The following NECTIN1 variants were observed in gnomAD, a reference collection of about 807,000 sequenced individuals.
NECTIN1 encodes the protein nectin-1.
A neutral mutation model predicts 48.0 loss-of-function variants in NECTIN1; 23 were observed. The observed-to-expected ratio is 0.48, with a 90% CI of 0.34 to 0.68. The LOEUF (loss-of-function observed/expected upper bound fraction) is 0.68. NECTIN1 is among the 30% of genes least tolerant of loss of function. NECTIN1 has a pLI of 0.01. For missense variants in NECTIN1, 591 were observed against 709.9 expected (o/e 0.83, Z 1.90); for synonymous variants, 270 against 288.9 (o/e 0.93, Z 0.66).
chr11:119,719,331 T>C (rs1028834424), intron 1 of NECTIN1, among the ~76,000 whole-genome samples: 7 of 152,260 alleles, frequency 4.6e-5, no homozygotes, highest in African/African-American at 1.7e-4. Flanking sequence ...GACTCCAGGC[T>C]TAGGAAATGG....
At position 119,684,748 on chromosome 11, in the gene NECTIN1, C is replaced by T. The variant is rs1241019628; in HGVS notation, c.80-5983G>A. 5.9e-5 allele frequency among the ~76,000 whole-genome samples: 9 copies of T among 152,312 alleles called. No homozygotes were observed. The highest frequency in any genetic ancestry group is 3.9e-4 in the East Asian group (2 of 5,182). On this transcript the variant is annotated intron_variant, in intron 1 of 5. Transcript: ENST00000264025. The surrounding 1 kb of genome is among the most constrained non-coding windows in gnomAD (Gnocchi z 5.2). ...GGCCAGCTCCGCCTGGGAGAGAGGC[C>T]GGTGTGGAGGAGCGTGCAATCAGGA...
intron 4 of NECTIN1, 80 bp from the exon 5 acceptor site, chr11:119,675,390 C>T: frequency 6.6e-7 from 1 of 1,511,488 alleles, no homozygotes; most frequent in Non-Finnish European, 9.2e-7. Context: ...CACTTGGCTC[C>T]AGGCCCCCTA....
At chr11:119,668,583 C>G (rs1286962601) in intron 5 of NECTIN1, among the ~76,000 whole-genome samples, 1 of 152,198 alleles carries the variant, frequency 6.6e-6, no homozygotes, top group Non-Finnish European at 1.5e-5. Context: ...CCCTCCCCAC[C>G]GATTGCACTT....
Position 119,648,292 on chromosome 11 carries a change from G to GTGGTGATGGTGA in NECTIN1, c.1004-8281_1004-8280insTCACCATCACCA, listed in dbSNP as rs1565376480. 3.0e-3 allele frequency among the ~76,000 whole-genome samples: 57 copies of GTGGTGATGGTGA among 19,258 alleles called. 5 individuals are homozygous for GTGGTGATGGTGA. Among genetic ancestry groups the GTGGTGATGGTGA allele is most frequent in the African/African-American group, 0.015 (54 of 3,530 alleles). 12.6% of individuals were successfully genotyped at this position (19,258 alleles called of 152,430 possible). The stretch of plus-strand genomic sequence containing the variant: ...GGTGGTGGTGATGGTGGTGGTGATG[G>GTGGTGATGGTGA]TGGTGGTGGTGGTGATGGTGGTGAT... On this transcript the variant is annotated intron_variant, in intron 5 of 7. Coordinates refer to the NECTIN1 transcript ENST00000341398.
At chr11:119,658,475 G>A (rs1045995294), downstream of NECTIN1, among the ~76,000 whole-genome samples, 1 of 152,198 alleles carries the variant, frequency 6.6e-6, no homozygotes, top group African/African-American at 2.4e-5. Flanking sequence ...AGTGTCTAGA[G>A]GATGTGGGGG....
intron 5 of NECTIN1, among the ~76,000 whole-genome samples, chr11:119,653,237 TAAC>T (rs996394121): frequency 1.3e-5 from 2 of 152,056 alleles, no homozygotes; most frequent in African/African-American, 4.8e-5. Context: ...AAATGAAAAA[TAAC>T]AAAGTACCAA....
At chr11:119,639,838 T>C (rs1864298220) in intron 6 of NECTIN1, 1 of 1,613,872 alleles carries the variant, frequency 6.2e-7, no homozygotes, top group East Asian at 2.2e-5. Context: ...AGTGGGAGTT[T>C]AGTGGGCAGA....
chr11:119,638,745 G>A, exon 7 of NECTIN1: 1 of 1,613,872 alleles, frequency 6.2e-7, no homozygotes, highest in Non-Finnish European at 8.5e-7. Flanking sequence ...ATATCCTCAG[G>A]CACAAGGGAG....
Position 119,709,971 on chromosome 11 carries a change from A to C in NECTIN1, c.79+18504T>G, listed in dbSNP as rs1470070818. 2.0e-5 allele frequency: 3 copies of C among 152,178 alleles called. No homozygotes were observed. In the East Asian group the frequency reaches 5.8e-4, roughly 29 times the overall value. The allele number at this position is 152,178 out of a possible 1,614,324, so 9.4% of individuals were successfully genotyped here. ...AGTGTGATGTGACGAGGCCGCAGAG[A>C]GCTCAGCCCCCAGGATGGACGGGAA... On this transcript the variant is annotated intron_variant, in intron 1 of 5. Coordinates refer to ENST00000264025, the MANE Select transcript of NECTIN1 (RefSeq NM_002855.5). The surrounding 1 kb of genome is among the most constrained non-coding windows in gnomAD (Gnocchi z 4.1).
chr11:119,711,825 G>C (rs1865653042), intron 1 of NECTIN1, among the ~76,000 whole-genome samples: 1 of 152,254 alleles, frequency 6.6e-6, no homozygotes, highest in Non-Finnish European at 1.5e-5. Flanking sequence ...TGAAGGCCTA[G>C]ACCAGTGTTT....
At chr11:119,708,500 G>C (rs549002477) in intron 1 of NECTIN1, among the ~76,000 whole-genome samples, 1 of 151,716 alleles carries the variant, frequency 6.6e-6, no homozygotes, top group Admixed American at 6.6e-5. Context: ...GGAATGCTAA[G>C]TAGAAGATGT....
rs955460413 is a variant in NECTIN1, at chr11:119,661,132, T to C, written c.*3615A>G. The C allele has an allele frequency of 6.1e-6, 6 of 985,634 alleles. No homozygotes were observed. The African/African-American group carries it at 1.0e-4, about 17-fold the overall frequency. The allele number at this position is 985,634 out of a possible 1,614,324, so 61.1% of individuals were successfully genotyped here. On this transcript the variant is annotated 3_prime_UTR_variant, in exon 6 of 6. Coordinates refer to ENST00000264025, the MANE Select transcript of NECTIN1 (RefSeq NM_002855.5). ...AGAACCAGGAGGATCTGCTGGGCTG[T>C]CCCTGGACCAAAGGCGGAAAGGGCG... is the stretch of plus-strand genomic sequence containing the variant.
At chr11:119,652,720 A>G (rs1019609546) in intron 5 of NECTIN1, among the ~76,000 whole-genome samples, 2 of 152,222 alleles carry the variant, frequency 1.3e-5, no homozygotes, top group Non-Finnish European at 2.9e-5. Flanking sequence ...GGGAACTCTC[A>G]TACGCTGTTG....
rs1010064589 is a variant in NECTIN1 at position 119,683,573 on chromosome 11, G to T, written c.80-4808C>A. Among the ~76,000 whole-genome samples, 4 of 143,572 alleles carry T rather than the reference G, an allele frequency of 2.8e-5. No individual in the cohort carries two copies. The highest frequency in any genetic ancestry group is 6.1e-5 in the Non-Finnish European group (4 of 65,462). The allele number at this position is 143,572 out of a possible 152,430, so 94.2% of individuals were successfully genotyped here. On this transcript the variant is annotated intron_variant, in intron 1 of 5. Transcript: ENST00000264025. This position sits in a 1 kb window ranked among gnomAD's most constrained non-coding sequence, Gnocchi z 4.0. ...AGAAACAGGGGCTTTGGGGATCCCG[G>T]GTGTGTGTGTGTGTGTGTGTGTGTG... is the stretch of plus-strand genomic sequence containing the variant.
At chr11:119,643,605 G>T (rs565399900) in intron 5 of NECTIN1, among the ~76,000 whole-genome samples, 2 of 152,306 alleles carry the variant, frequency 1.3e-5, no homozygotes, top group African/African-American at 4.8e-5. Flanking sequence ...GAATAGGGGG[G>T]CCCTGGTTGC....
chr11:119,698,899 A>C (rs1340605133), intron 1 of NECTIN1, among the ~76,000 whole-genome samples: 1 of 152,172 alleles, frequency 6.6e-6, no homozygotes, highest in Non-Finnish European at 1.5e-5. Flanking sequence ...AGTGGGCTCC[A>C]GGCCCTCCCC....
At chr11:119,644,484 G>A (rs762818207) in intron 5 of NECTIN1, among the ~76,000 whole-genome samples, 5 of 152,174 alleles carry the variant, frequency 3.3e-5, no homozygotes, top group African/African-American at 9.7e-5. Flanking sequence ...CCAGCTTCAC[G>A]GCGTGCTCCC....
At chr11:119,705,587 G>A (rs920366443) in intron 1 of NECTIN1, among the ~76,000 whole-genome samples, 12 of 152,228 alleles carry the variant, frequency 7.9e-5, no homozygotes, top group South Asian at 4.1e-4. Context: ...AACTGTGGCC[G>A]GTGTAGCTAG....
intron 1 of NECTIN1, among the ~76,000 whole-genome samples, chr11:119,708,550 C>T (rs4245203): frequency 0.92 from 138,012 of 150,590 alleles, 63,668 homozygotes; most frequent in Non-Finnish European, 0.97. Flanking sequence ...TCCATTTATA[C>T]GAAATGTCCA....
Sources: gnomAD v4.1 joint callset for allele counts (sites outside exome capture counted in the v4.1 genomes callset) on GRCh38, gnomAD v4.1.1 for gene constraint, Gnocchi (gnomAD v3.1) non-coding constraint, MANE v1.5 for transcripts, NCBI Gene and HGNC (gene_info 2026-07-23, HGNC 2026-07-21) for gene names.